IARS1: variants seen among roughly 807,000 people sequenced by gnomAD.
IARS1 encodes the protein isoleucyl-tRNA synthetase 1.
A neutral mutation model predicts 168.2 loss-of-function variants in IARS1; 124 were observed. That is an observed-to-expected ratio of 0.74 (90% CI 0.64 to 0.86). The LOEUF (loss-of-function observed/expected upper bound fraction) is 0.86. Ranked by LOEUF, IARS1 falls within the 40% of genes least tolerant of loss-of-function variation. IARS1 has a pLI of 0.00. For missense variants in IARS1, 1,452 were observed against 1,515.8 expected (o/e 0.96, Z 0.70); for synonymous variants, 532 against 529.4 (o/e 1.00, Z -0.07).
In IARS1 at chr9:92,267,953, G is replaced by C. The variant is rs543864019; in HGVS notation, c.1431+221C>G. On this transcript the variant is annotated intron_variant, in intron 14 of 33. Coordinates refer to ENST00000443024, the MANE Select transcript of IARS1 (RefSeq NM_002161.6). ...AAAACTGTATCCTTTTATTTTTACA[G>C]AGGAAAGTTTTATAAATTGTATTTA... is the stretch of plus-strand genomic sequence containing the variant. 5.9e-5 allele frequency among the ~76,000 whole-genome samples: 9 copies of C among 152,166 alleles called. No individual in the cohort carries two copies. In the South Asian group the frequency reaches 1.9e-3, roughly 32 times the overall value.
chr9:92,267,538 T>C (rs1446615984), intron 14 of IARS1, among the ~76,000 whole-genome samples: 1 of 152,164 alleles, frequency 6.6e-6, no homozygotes, highest in African/African-American at 2.4e-5. Context: ...ACAAACATTT[T>C]TGTAGAGATG....
intron 7 of IARS1, 82 bp from the exon 8 acceptor site, chr9:92,278,368 G>T: frequency 4.4e-6 from 4 of 907,914 alleles, no homozygotes; most frequent in Non-Finnish European, 5.5e-6. Flanking sequence ...GCATACTTTT[G>T]TCCTGAGGAG....
intron 23 of IARS1, among the ~76,000 whole-genome samples, 194 bp from the exon 24 acceptor site, chr9:92,250,483 C>T (rs1324028940): frequency 6.6e-6 from 1 of 152,226 alleles, no homozygotes; most frequent in African/African-American, 2.4e-5. Flanking sequence ...CCCCATGGGG[C>T]ATGCCCACAC....
At chr9:92,291,519 T>G (rs1477383270) in intron 1 of IARS1, among the ~76,000 whole-genome samples, 1 of 152,180 alleles carries the variant, frequency 6.6e-6, no homozygotes, top group African/African-American at 2.4e-5. Context: ...ACAAGAACAG[T>G]TGGGCTGTTT....
At chr9:92,245,129 T>C in intron 26 of IARS1, 58 bp from the exon 27 acceptor site, 3 of 1,320,930 alleles carry the variant, frequency 2.3e-6, no homozygotes, top group South Asian at 2.4e-5. Context: ...GCTGCCCCAC[T>C]ACCCGTGTAT....
chr9:92,247,351 G>A (rs762196489), intron 26 of IARS1, 26 bp downstream of exon 26: 3 of 1,599,240 alleles, frequency 1.9e-6, no homozygotes, highest in African/African-American at 1.3e-5. Context: ...GACATAAATG[G>A]TGCCCTTGTC....
At position 92,249,507 on chromosome 9, in the gene IARS1, T is replaced by G. The variant is rs568194831; in HGVS notation, c.2616+351A>C. ...GGTGGAGGTTGTGGTAAGGCACTAC[T>G]GCACTCTAGCCTGGATGACAGAGTG... On this transcript the variant is annotated intron_variant, in intron 25 of 33. Transcript: ENST00000443024. Among the ~76,000 whole-genome samples, 6 of 152,154 alleles carry G rather than the reference T, an allele frequency of 3.9e-5. No homozygotes were observed. The East Asian group carries it at 1.2e-3, about 29-fold the overall frequency.
At chr9:92,221,034 A>T (rs1010466766) in intron 33 of IARS1, among the ~76,000 whole-genome samples, 3 of 152,176 alleles carry the variant, frequency 2.0e-5, no homozygotes, top group Non-Finnish European at 4.4e-5. Context: ...TATACCAAAA[A>T]ATGTACACCT....
rs370223817 is a variant in IARS1 at position 92,243,185 on chromosome 9, A to T, written c.3000+31T>A. On this transcript the variant is annotated intron_variant, in intron 28 of 33. Transcript: ENST00000443024. The stretch of plus-strand genomic sequence containing the variant: ...CAACCAAAACAAACAAAAAGCCAAA[A>T]CAGTAGCTTATTCTTAACTGACAAA... 2.4e-4 allele frequency: 378 copies of T among 1,555,106 alleles called. 2 individuals are homozygous for T. The highest frequency in any genetic ancestry group is 5.1e-5 in the Non-Finnish European group (57 of 1,127,272).
intron 4 of IARS1, 117 bp from the exon 5 acceptor site, chr9:92,286,735 T>C: frequency 5.1e-6 from 3 of 589,332 alleles, no homozygotes; most frequent in Non-Finnish European, 9.0e-6. Context: ...GAATAATCAA[T>C]GGTACAAGTA....
chr9:92,254,957 T>G (rs901114293), intron 20 of IARS1, among the ~76,000 whole-genome samples: 3 of 152,194 alleles, frequency 2.0e-5, no homozygotes, highest in Non-Finnish European at 4.4e-5. Context: ...CAGGAGGTCA[T>G]GGCAGCTGGT....
intron 4 of IARS1, 23 bp from the exon 5 acceptor site, chr9:92,286,641 C>G (rs1440018426): frequency 1.7e-6 from 2 of 1,173,676 alleles, no homozygotes; most frequent in African/African-American, 1.5e-5. Flanking sequence ...AATATTAGAA[C>G]AGTATTAGAC....
intron 26 of IARS1, among the ~76,000 whole-genome samples, chr9:92,247,064 C>T (rs1313795035): frequency 1.3e-5 from 2 of 152,128 alleles, no homozygotes; most frequent in Non-Finnish European, 1.5e-5. Context: ...CATGGTACTA[C>T]GTGCCTGTAA....
At chr9:92,288,033 G>C in intron 3 of IARS1, 93 bp downstream of exon 3, 1 of 1,511,632 alleles carries the variant, frequency 6.6e-7, no homozygotes, top group African/African-American at 1.4e-5. Flanking sequence ...AGGTCTGACA[G>C]TCAACGTTCA....
intron 20 of IARS1, among the ~76,000 whole-genome samples, chr9:92,256,034 A>AG (rs71362374): frequency 1.3e-5 from 2 of 151,636 alleles, no homozygotes; most frequent in East Asian, 3.9e-4. Context: ...AAAAAAAAAA[A>AG]GGAAATTGAC....
Position 92,238,184 on chromosome 9 carries a change from G to T in IARS1, c.3283+2672C>A, listed in dbSNP as rs1438437468. On this transcript the variant is annotated intron_variant, in intron 30 of 33. Coordinates refer to ENST00000443024, the MANE Select transcript of IARS1 (RefSeq NM_002161.6). ...GCCTTCCAGTGTTGGGATTACAGGC[G>T]TGAGCCACTGTGCCTGGCATATTTG... 2.6e-5 allele frequency among the ~76,000 whole-genome samples: 4 copies of T among 152,268 alleles called. No homozygotes were observed. The East Asian group carries it at 7.7e-4, about 29-fold the overall frequency.
chr9:92,286,677 T>C (rs542614139), intron 4 of IARS1, 59 bp from the exon 5 acceptor site: 168 of 944,592 alleles, frequency 1.8e-4, no homozygotes, highest in Middle Eastern at 2.7e-4. Context: ...TGTACATCAA[T>C]GTGTGTTTAT....
chr9:92,221,921 C>T (rs1000619141), intron 33 of IARS1, among the ~76,000 whole-genome samples: 1 of 152,102 alleles, frequency 6.6e-6, no homozygotes, highest in Non-Finnish European at 1.5e-5. Context: ...ATTTTAGGGT[C>T]AGCAAATATG....
intron 20 of IARS1, among the ~76,000 whole-genome samples, chr9:92,254,186 A>C (rs1488862025): frequency 1.3e-5 from 2 of 152,224 alleles, no homozygotes; most frequent in Admixed American, 1.3e-4. Context: ...ACAGCATCAG[A>C]GGTAGTGAAG....
Sources: allele counts gnomAD v4.1 joint callset (sites outside exome capture counted in the v4.1 genomes callset), GRCh38; gene constraint gnomAD v4.1.1; transcripts MANE v1.5; gene names NCBI Gene and HGNC (gene_info 2026-07-23, HGNC 2026-07-21).